The following PDE8B variants were observed in gnomAD, a reference collection of about 807,000 sequenced individuals.
PDE8B encodes the protein phosphodiesterase 8B, also known as high affinity cAMP-specific and IBMX-insensitive 3',5'-cyclic phosphodiesterase 8B.
A neutral mutation model predicts 101.3 loss-of-function variants in PDE8B; 26 were observed. The observed-to-expected ratio is 0.26, with a 90% CI of 0.19 to 0.36. The LOEUF is 0.36. PDE8B is among the 10% of genes least tolerant of loss of function. The probability of loss-of-function intolerance (pLI) is 1.00; values close to 1 mark genes in which losing one functional copy is unlikely to be tolerated. For missense variants in PDE8B, 810 were observed against 1,163.1 expected (o/e 0.70, Z 4.42); for synonymous variants, 424 against 429.3 (o/e 0.99, Z 0.15).
At chr5:77,214,893 C>T (rs1749322455) in intron 1 of PDE8B, among the ~76,000 whole-genome samples, 1 of 152,044 alleles carries the variant, frequency 6.6e-6, no homozygotes, top group African/African-American at 2.4e-5. Context: ...GATCTGGGGA[C>T]CCCATTTTGA....
chr5:77,157,376 A>T, the PDE8B span, among the ~76,000 whole-genome samples: 1 of 152,182 alleles, frequency 6.6e-6, no homozygotes, highest in East Asian at 1.9e-4. Context: ...CCCAGAAGGG[A>T]CAGACATCCC....
the PDE8B span, among the ~76,000 whole-genome samples, chr5:77,111,344 T>C: frequency 1.3e-5 from 2 of 152,148 alleles, no homozygotes; most frequent in East Asian, 3.9e-4. Context: ...CTGCCATTCA[T>C]TGGGCAGAAA....
chr5:77,342,622 A>G (rs1779409725), intron 6 of PDE8B, among the ~76,000 whole-genome samples: 1 of 152,218 alleles, frequency 6.6e-6, no homozygotes, highest in Non-Finnish European at 1.5e-5. Context: ...GTCAGTATAA[A>G]TAACAGAGCT....
chr5:77,257,798 A>G (rs1561426497), intron 1 of PDE8B, among the ~76,000 whole-genome samples: 2 of 152,006 alleles, frequency 1.3e-5, no homozygotes, highest in Admixed American at 6.6e-5. Flanking sequence ...TGCATTAGCT[A>G]TTTATCCTGA....
intron 2 of PDE8B, among the ~76,000 whole-genome samples, chr5:77,318,532 G>A (rs756668198): frequency 1.3e-5 from 2 of 152,170 alleles, no homozygotes; most frequent in African/African-American, 4.8e-5. Flanking sequence ...CTATAAAATA[G>A]GGATAATGCC....
chr5:77,245,168 A>G (rs921942798), intron 1 of PDE8B, among the ~76,000 whole-genome samples: 5 of 152,226 alleles, frequency 3.3e-5, no homozygotes, highest in Non-Finnish European at 5.9e-5. Flanking sequence ...ATGAACTAGA[A>G]CATTGTCATA....
chr5:77,187,747 G>T, the PDE8B span, among the ~76,000 whole-genome samples: 2 of 152,162 alleles, frequency 1.3e-5, no homozygotes, highest in Non-Finnish European at 2.9e-5. Context: ...TCCAGCCTTG[G>T]TTTTCATCTT....
the PDE8B span, among the ~76,000 whole-genome samples, chr5:77,121,128 G>A: frequency 4.1e-4 from 63 of 152,228 alleles, no homozygotes; most frequent in Non-Finnish European, 7.9e-4. Context: ...CTGTGGGTCA[G>A]GAATTCAGGA....
chr5:77,287,255 A>T (rs1011495663), intron 1 of PDE8B, among the ~76,000 whole-genome samples: 1 of 151,726 alleles, frequency 6.6e-6, no homozygotes, highest in Non-Finnish European at 1.5e-5. Context: ...TTATTATTGA[A>T]GTATATTTTT....
the PDE8B span, among the ~76,000 whole-genome samples, chr5:77,195,480 T>C: frequency 6.4e-4 from 98 of 152,288 alleles, no homozygotes; most frequent in African/African-American, 2.3e-3. Context: ...ATAGCCATCC[T>C]AGCAGATTTG....
At chr5:77,266,470 T>C (rs986267848) in intron 1 of PDE8B, among the ~76,000 whole-genome samples, 9 of 152,232 alleles carry the variant, frequency 5.9e-5, no homozygotes, top group Admixed American at 1.3e-4. Context: ...GGCTGTGATG[T>C]GCCTTTTGAA....
chr5:77,129,604 G>A, the PDE8B span, among the ~76,000 whole-genome samples: 1 of 152,294 alleles, frequency 6.6e-6, no homozygotes, highest in East Asian at 1.9e-4. Flanking sequence ...TGTGCCCACC[G>A]GAGGGAGCAG....
intron 10 of PDE8B, among the ~76,000 whole-genome samples, chr5:77,387,073 C>T (rs1219839301): frequency 2.7e-5 from 4 of 150,868 alleles, no homozygotes; most frequent in Non-Finnish European, 4.4e-5. Context: ...TTAGTAGAGA[C>T]GGGGTTTCAC....
rs189320852 is a variant in PDE8B at position 77,379,016 on chromosome 5, A to G, written c.1168-21232A>G. ...AAAGATAAAACATTTAAGCCTGAATAGTAGCTTGCATTAAGTGTTTTTCTG... is the reference window on the plus strand; with the variant it reads ...AAAGATAAAACATTTAAGCCTGAATGGTAGCTTGCATTAAGTGTTTTTCTG... On this transcript the variant is annotated intron_variant, in intron 10 of 21. Coordinates refer to ENST00000264917, the MANE Select transcript of PDE8B (RefSeq NM_003719.5). Among the ~76,000 whole-genome samples the G allele has an allele frequency of 1.3e-3, 204 of 152,382 alleles. 1 individual carries two copies. The highest frequency in any genetic ancestry group is 4.7e-3 in the African/African-American group (194 of 41,600).
At chr5:77,310,106 T>A (rs1320161827) in intron 1 of PDE8B, among the ~76,000 whole-genome samples, 2 of 151,668 alleles carry the variant, frequency 1.3e-5, no homozygotes, top group Non-Finnish European at 1.5e-5. Flanking sequence ...CCCGCCACCA[T>A]GCCCAGCTAA....
rs147751082 is a variant in PDE8B at position 77,294,410 on chromosome 5, C to T, written c.340-17584C>T. Reference sequence around the variant, plus strand: ...GGCTTGCTGTTGATGTGAACACATTCGCTTAAAGTGGAGGGGGCTTCCCAG... The same window carrying T: ...GGCTTGCTGTTGATGTGAACACATTTGCTTAAAGTGGAGGGGGCTTCCCAG... On this transcript the variant is annotated intron_variant, in intron 1 of 21. Coordinates refer to ENST00000264917, the MANE Select transcript of PDE8B (RefSeq NM_003719.5). 5.3e-5 allele frequency among the ~76,000 whole-genome samples: 8 copies of T among 152,214 alleles called. No individual in the cohort carries two copies. In the East Asian group the frequency reaches 1.4e-3, roughly 26 times the overall value.
At chr5:77,132,492 C>G in the PDE8B span, among the ~76,000 whole-genome samples, 2 of 152,166 alleles carry the variant, frequency 1.3e-5, no homozygotes, top group Non-Finnish European at 2.9e-5. Flanking sequence ...CTACATACCT[C>G]TAAATAATTG....
intron 10 of PDE8B, among the ~76,000 whole-genome samples, chr5:77,397,576 A>G (rs949119612): frequency 6.6e-6 from 1 of 152,216 alleles, no homozygotes; most frequent in Non-Finnish European, 1.5e-5. Flanking sequence ...CACAGAACTT[A>G]GACCTAAACA....
At chr5:77,093,546 T>C in the PDE8B span, among the ~76,000 whole-genome samples, 1 of 151,924 alleles carries the variant, frequency 6.6e-6, no homozygotes, top group South Asian at 2.1e-4. Context: ...GTAGAAACTT[T>C]GCTCAACTAA....
Sources: allele counts gnomAD v4.1 joint callset (sites outside exome capture counted in the v4.1 genomes callset), GRCh38; gene constraint gnomAD v4.1.1; transcripts MANE v1.5; gene names NCBI Gene and HGNC (gene_info 2026-07-23, HGNC 2026-07-21).